Variants in CFAP91 observed in about 807,000 individuals in gnomAD.
CFAP91 encodes cilia- and flagella-associated protein 91.
In CFAP91, 85 loss-of-function variants were observed where a neutral mutation model predicts 95.9. That is an observed-to-expected ratio of 0.89 (90% CI 0.74 to 1.06). The LOEUF is 1.06. Ranked by LOEUF, CFAP91 falls within the 50% of genes least tolerant of loss-of-function variation. CFAP91 has a pLI of 0.00. For missense variants in CFAP91, 962 were observed against 943.4 expected (o/e 1.02, Z -0.26); for synonymous variants, 335 against 327.5 (o/e 1.02, Z -0.25).
intron 1 of CFAP91, among the ~76,000 whole-genome samples, chr3:119,705,199 A>T (rs2053335417): frequency 6.6e-6 from 1 of 152,228 alleles, no homozygotes; most frequent in Non-Finnish European, 1.5e-5. Context: ...CACCAATTGT[A>T]TAGCGTCTTT....
At chr3:119,724,338 G>T (rs946260704) in intron 6 of CFAP91, among the ~76,000 whole-genome samples, 1 of 152,050 alleles carries the variant, frequency 6.6e-6, no homozygotes. Context: ...AGGGAATGGG[G>T]CTCAATGTGG....
At chr3:119,759,457 G>A (rs1177636725) in intron 17 of CFAP91, among the ~76,000 whole-genome samples, 1 of 151,930 alleles carries the variant, frequency 6.6e-6, no homozygotes, top group East Asian at 1.9e-4. Flanking sequence ...GATGAGTACT[G>A]TACATTAATT....
intron 7 of CFAP91, among the ~76,000 whole-genome samples, chr3:119,728,807 G>C (rs547973554): frequency 5.9e-5 from 9 of 152,220 alleles, no homozygotes; most frequent in African/African-American, 1.4e-4. Flanking sequence ...TCTAAGGAAG[G>C]CTTCCCCACC....
intron 5 of CFAP91, among the ~76,000 whole-genome samples, chr3:119,711,011 A>G (rs527312467): frequency 1.6e-4 from 24 of 152,256 alleles, no homozygotes; most frequent in Non-Finnish European, 2.9e-4. Context: ...ATTATCAGGA[A>G]TAGAAACCTT....
At chr3:119,716,866 A>G (rs2053585242) in intron 6 of CFAP91, among the ~76,000 whole-genome samples, 1 of 152,174 alleles carries the variant, frequency 6.6e-6, no homozygotes, top group African/African-American at 2.4e-5. Context: ...CTGGGATTAC[A>G]GGCTTGAGCT....
chr3:119,715,574 C>T lies in CFAP91; in HGVS notation c.513C>T (p.Tyr171=). 1 of 1,613,942 alleles carries T rather than the reference C, an allele frequency of 6.2e-7. No homozygotes were observed. Among genetic ancestry groups the T allele is most frequent in the Non-Finnish European group, 8.5e-7 (1 of 1,179,874 alleles). ...VVYAVSKAEP[Y]TFPPTSTKHL... ...TTTTCTCTTTTAGGGCAGAACCATA[C>T]ACTTTTCCTCCTACTTCTACTAAGC... is the stretch of plus-strand genomic sequence containing the variant. Residue 171 remains tyrosine, a synonymous_variant, in exon 6 of 18, where the codon TAC becomes TAT. Transcript: ENST00000273390.
chr3:119,762,557 A>G (rs2054555816), intron 17 of CFAP91, among the ~76,000 whole-genome samples: 1 of 151,926 alleles, frequency 6.6e-6, no homozygotes, highest in African/African-American at 2.4e-5. Context: ...GAACAAAGCC[A>G]TCACACTACC....
Position 119,743,961 on chromosome 3 carries a change from T to C in CFAP91, c.1681-14T>C. The C allele has an allele frequency of 3.2e-6, 5 of 1,582,482 alleles. No homozygotes were observed. Among genetic ancestry groups the C allele is most frequent in the Non-Finnish European group, 4.3e-6 (5 of 1,161,352 alleles). ...TGGAATTTGTGTCCTTAAAGTTATG[T>C]TATTCTTTTCAAGGTGTCACTGGTT... On this transcript the variant is annotated splice_polypyrimidine_tract_variant and intron_variant, in intron 13 of 17. Transcript: ENST00000273390.
Position 119,709,869 on chromosome 3 carries a change from A to G in CFAP91, c.474A>G (p.Pro158=). The G allele has an allele frequency of 6.2e-7, 1 of 1,612,854 alleles. No homozygotes were observed. Among genetic ancestry groups the G allele is most frequent in the Non-Finnish European group, 8.5e-7 (1 of 1,178,906 alleles). ...TTCTCCCATTTTTTCAGCAGATGCC[A>G]TTCAATGTTGTTTATGCCGTATCCA... ...RPFLPFFQQM[P]FNVVYAVSKA... is the part of the protein sequence containing the mutation. Residue 158 remains proline, a synonymous_variant, in exon 5 of 18, where the codon CCA becomes CCG. Transcript: ENST00000273390.
At chr3:119,737,539 C>A in intron 11 of CFAP91, 57 bp downstream of exon 11, 1 of 1,084,836 alleles carries the variant, frequency 9.2e-7, no homozygotes, top group Non-Finnish European at 1.4e-6. Flanking sequence ...TCAGCTTATT[C>A]TTAGGATAGT....
intron 5 of CFAP91, among the ~76,000 whole-genome samples, chr3:119,714,311 A>G (rs558604147): frequency 6.7e-6 from 1 of 149,830 alleles, no homozygotes; most frequent in Non-Finnish European, 1.5e-5. Context: ...GCTTGCAGTG[A>G]GCCGAGATCG....
intron 10 of CFAP91, among the ~76,000 whole-genome samples, chr3:119,736,466 C>T (rs1269272035): frequency 1.5e-4 from 23 of 151,470 alleles, no homozygotes; most frequent in East Asian, 3.9e-4. Flanking sequence ...TTAGTAGAGA[C>T]GGGGTTTCAC....
At chr3:119,763,242 C>T (rs1213465635) in intron 17 of CFAP91, among the ~76,000 whole-genome samples, 5 of 151,752 alleles carry the variant, frequency 3.3e-5, no homozygotes, top group Admixed American at 2.0e-4. Context: ...ACTAATCGTT[C>T]GAGAAATGCA....
rs192455191 is a variant in CFAP91, at chr3:119,751,779, G to C, written c.*1+681G>C. ...AGAGGTTCACACCGGGTGGGTACAG[G>C]AGCTGCCCTGGCGTAAAACTTCACA... On this transcript the variant is annotated intron_variant, in intron 17 of 17. Transcript: ENST00000273390. Among the ~76,000 whole-genome samples, 73 of 152,234 alleles carry C rather than the reference G, an allele frequency of 4.8e-4. No individual in the cohort carries two copies. The East Asian group carries it at 0.014, about 28-fold the overall frequency.
At chr3:119,732,165 G>T (rs991191592) in intron 8 of CFAP91, 129 bp from the exon 9 acceptor site, 1 of 674,242 alleles carries the variant, frequency 1.5e-6, no homozygotes, top group Non-Finnish European at 2.4e-6. Flanking sequence ...TCTGGCTGTC[G>T]TGAGTCATCA....
At chr3:119,715,254 G>GTA in intron 5 of CFAP91, 2 of 454,402 alleles carry the variant, frequency 4.4e-6, no homozygotes, top group Non-Finnish European at 8.1e-6. Flanking sequence ...CAGAAGTGCT[G>GTA]TACAGCATTC....
chr3:119,717,966 T>C (rs1278942878), intron 6 of CFAP91, among the ~76,000 whole-genome samples: 1 of 152,260 alleles, frequency 6.6e-6, no homozygotes, highest in East Asian at 1.9e-4. Flanking sequence ...GGCCTTGGAC[T>C]CCTCACCTTG....
chr3:119,714,365 C>CAAAAA (rs1265042198), intron 5 of CFAP91, among the ~76,000 whole-genome samples: 4 of 128,626 alleles, frequency 3.1e-5, no homozygotes, highest in Admixed American at 7.7e-5. Context: ...GACTCCGTCT[C>CAAAAA]AAAAAAAAAA....
chr3:119,759,621 AAATCACTTTTTAGT>A (rs1254330687), intron 17 of CFAP91, among the ~76,000 whole-genome samples: 2 of 152,018 alleles, frequency 1.3e-5, no homozygotes, highest in African/African-American at 4.8e-5. Context: ...GATGGTGTGT[AAATCACTTTTTAGT>A]ATGAAGGTTA....
Sources: allele counts gnomAD v4.1 joint callset (sites outside exome capture counted in the v4.1 genomes callset), GRCh38; gene constraint gnomAD v4.1.1; transcripts MANE v1.5; gene names NCBI Gene and HGNC (gene_info 2026-07-23, HGNC 2026-07-21).